The following SLC1A4 variants were observed in gnomAD, a reference collection of about 807,000 sequenced individuals.
The protein encoded by SLC1A4 is solute carrier family 1 member 4, also known as neutral amino acid transporter A.
Under a neutral mutation model 37.7 loss-of-function variants are expected in SLC1A4, and 19 were observed. The observed-to-expected ratio is 0.50, with a 90% CI of 0.35 to 0.74. The LOEUF is 0.74. Ranked by LOEUF, SLC1A4 falls within the 30% of genes least tolerant of loss-of-function variation. The pLI, the probability that SLC1A4 is intolerant of heterozygous loss-of-function variation, is 0.01. For synonymous variants in SLC1A4, 299 were observed against 309.8 expected, an observed-to-expected ratio of 0.97 and a Z score of 0.37; for missense variants, 570 against 712.9, an observed-to-expected ratio of 0.80 and a Z score of 2.28.
At chr2:65,003,699 C>T (rs1427408595) in intron 2 of SLC1A4, among the ~76,000 whole-genome samples, 1 of 152,186 alleles carries the variant, frequency 6.6e-6, no homozygotes, top group Admixed American at 6.5e-5. Flanking sequence ...GCCCAAAGAA[C>T]ATAAGGAAAT....
chr2:65,006,871 T>A (rs374759140), intron 3 of SLC1A4, among the ~76,000 whole-genome samples: 15 of 152,258 alleles, frequency 9.9e-5, no homozygotes, highest in African/African-American at 3.6e-4. Flanking sequence ...GCCAAGGAGT[T>A]TAAGATTACT....
rs1672987592 is a variant in SLC1A4, at chr2:64,989,977, C to G, written c.334C>G (p.Arg112Gly). 1 of 1,583,804 alleles carries G rather than the reference C, an allele frequency of 6.3e-7. No homozygotes were observed. The highest frequency in any genetic ancestry group is 8.6e-7 in the Non-Finnish European group (1 of 1,164,824). ...CTCGCTCGATGCCAGCTGCCTCGGGCGTCTGGGCGGCATCGCTGTCGCCTA... is the reference window on the plus strand; with the variant it reads ...CTCGCTCGATGCCAGCTGCCTCGGGGGTCTGGGCGGCATCGCTGTCGCCTA... ...AASLDASCLG[R>G]LGGIAVAYFG... Residue 112 changes from arginine to glycine, a missense_variant, in exon 1 of 8, where the codon CGT becomes GGT. Arg to Gly is a moderately radical substitution (Grantham distance 125). Coordinates refer to ENST00000234256, the MANE Select transcript of SLC1A4 (RefSeq NM_003038.5).
intron 2 of SLC1A4, 48 bp downstream of exon 2, chr2:65,001,538 T>C (rs764531903): frequency 3.9e-6 from 6 of 1,538,894 alleles, no homozygotes; most frequent in Non-Finnish European, 5.4e-6. Context: ...ATGGAAGAAA[T>C]GTACCAATTA....
At chr2:65,000,525 G>GT (rs1673417629) in intron 1 of SLC1A4, 2 of 152,200 alleles carry the variant, frequency 1.3e-5, no homozygotes, top group African/African-American at 4.8e-5. Context: ...TATAAATGCA[G>GT]ACTGTTACTT....
chr2:64,988,539 GC>G (rs1672893527), upstream of SLC1A4: 1 of 152,338 alleles, frequency 6.6e-6, no homozygotes, highest in African/African-American at 2.4e-5. Flanking sequence ...CAGGACACAA[GC>G]CCAGGAGCGC....
At chr2:64,988,678 C>T (rs1672898893), upstream of SLC1A4, 1 of 152,362 alleles carries the variant, frequency 6.6e-6, no homozygotes, top group Admixed American at 6.5e-5. Context: ...ATTCATCCAT[C>T]CTCCGGTCCG....
At chr2:65,016,709 C>T in intron 5 of SLC1A4, 36 bp downstream of exon 5, 1 of 1,391,322 alleles carries the variant, frequency 7.2e-7, no homozygotes, top group Non-Finnish European at 1.0e-6. Context: ...TGCTCTGAGC[C>T]ATGTTAACAT....
In SLC1A4 at chr2:65,021,097, GCCCCGT is replaced by G; in HGVS notation, c.1551_1556del (p.Pro518_Val519del). 6.2e-7 allele frequency: 1 copy of G among 1,614,200 alleles called. No homozygotes were observed. Among genetic ancestry groups the G allele is most frequent in the Non-Finnish European group, 8.5e-7 (1 of 1,180,034 alleles). Reference sequence around the variant, plus strand: ...CTGGTGACACACCAGAACCCCGCTGGCCCCGTGGCCAGTGCCCCAGAACTGGAATCC... The same window carrying G: ...CTGGTGACACACCAGAACCCCGCTGGGGCCAGTGCCCCAGAACTGGAATCC... On this transcript the variant is annotated inframe_deletion, in exon 8 of 8. Transcript: ENST00000234256.
At position 64,993,569 on chromosome 2, in the gene SLC1A4, C is replaced by A. The variant is rs143337956; in HGVS notation, c.527+3399C>A. ...AGCCCGGAGTTCTGTGCCTGGGAAT[C>A]CAGAACAGTATAGGACTTTCAGAAC... On this transcript the variant is annotated intron_variant, in intron 1 of 7. Coordinates refer to ENST00000234256, the MANE Select transcript of SLC1A4 (RefSeq NM_003038.5). Among the ~76,000 whole-genome samples the A allele has an allele frequency of 2.0e-5, 3 of 152,212 alleles. No homozygotes were observed. The East Asian group carries it at 5.8e-4, about 29-fold the overall frequency.
chr2:65,017,851 G>A (rs542013434), intron 5 of SLC1A4, among the ~76,000 whole-genome samples: 1 of 152,186 alleles, frequency 6.6e-6, no homozygotes, highest in South Asian at 2.1e-4. Context: ...TGACAGAATA[G>A]GTAAATGAAG....
rs146611192 is a variant in SLC1A4, at chr2:65,012,385, A to G, written c.800+1622A>G. ...ATTACAGGCATGAGCCACCGCGCCC[A>G]GCCTACTTAATTGTTAAGAACTAGT... is the stretch of plus-strand genomic sequence containing the variant. On this transcript the variant is annotated intron_variant, in intron 4 of 7. Coordinates refer to ENST00000234256, the MANE Select transcript of SLC1A4 (RefSeq NM_003038.5). 4.1e-3 allele frequency among the ~76,000 whole-genome samples: 626 copies of G among 152,244 alleles called. 1 individual carries two copies. The highest frequency in any genetic ancestry group is 0.013 in the African/African-American group (555 of 41,572).
intron 4 of SLC1A4, among the ~76,000 whole-genome samples, chr2:65,012,482 T>G (rs1673961062): frequency 6.6e-6 from 1 of 152,212 alleles, no homozygotes; most frequent in Admixed American, 6.5e-5. Flanking sequence ...CTCTCTCAGG[T>G]AGTGCTGGAT....
Position 65,010,737 on chromosome 2 carries a change from G to A in SLC1A4, c.774G>A (p.Thr258=), listed in dbSNP as rs755661024. The A allele has an allele frequency of 8.1e-6, 13 of 1,613,722 alleles. No individual in the cohort carries two copies. The highest frequency in any genetic ancestry group is 2.2e-5 in the South Asian group (2 of 91,026). ...TCTTCAATTCCCTCAACGAGGCGAC[G>A]ATGGTGCTGGTGTCCTGGATTATGT... ...IRFFNSLNEA[T]MVLVSWIMWY... The change falls in exon 4 of 8, where the codon ACG becomes ACA. Residue 258 remains threonine (T), a synonymous_variant. Coordinates refer to ENST00000234256, the MANE Select transcript of SLC1A4 (RefSeq NM_003038.5).
intron 4 of SLC1A4, 60 bp downstream of exon 4, chr2:65,010,823 C>A: frequency 6.5e-7 from 1 of 1,548,538 alleles, no homozygotes; most frequent in Non-Finnish European, 8.8e-7. Flanking sequence ...AGAAAAGAGT[C>A]CACCTTGCTG....
chr2:65,015,184 T>C (rs1290123061), intron 4 of SLC1A4, among the ~76,000 whole-genome samples: 1 of 152,100 alleles, frequency 6.6e-6, no homozygotes, highest in South Asian at 2.1e-4. Context: ...GAGGGGAAAG[T>C]AGGCTGTTAT....
chr2:65,009,624 T>C (rs777465163), intron 3 of SLC1A4, among the ~76,000 whole-genome samples: 2 of 152,252 alleles, frequency 1.3e-5, no homozygotes, highest in Non-Finnish European at 2.9e-5. Context: ...GGCCCAGCCT[T>C]TGCGCTCAAG....
Position 65,010,718 on chromosome 2 carries a change from A to G in SLC1A4, c.755A>G (p.Asn252Ser), listed in dbSNP as rs748440919. Residue 252 changes from asparagine (N) to serine (S), a missense_variant, in exon 4 of 8, where the codon AAT becomes AGT. Physicochemically the swap from Asn to Ser is conservative, Grantham distance 46. Transcript: ENST00000234256. ...SEGEDLIRFF[N>S]SLNEATMVLV... Reference sequence around the variant, plus strand: ...GGAGAAGACCTCATCCGTTTCTTCAATTCCCTCAACGAGGCGACGATGGTG... The same window carrying G: ...GGAGAAGACCTCATCCGTTTCTTCAGTTCCCTCAACGAGGCGACGATGGTG... 12 of 1,613,980 alleles carry G rather than the reference A, an allele frequency of 7.4e-6. No individual in the cohort carries two copies. Among genetic ancestry groups the G allele is most frequent in the African/African-American group, 1.3e-5 (1 of 74,920 alleles).
intron 5 of SLC1A4, 141 bp from the exon 6 acceptor site, chr2:65,017,928 TTC>T (rs1389835170): frequency 7.6e-6 from 5 of 655,170 alleles, no homozygotes; most frequent in Non-Finnish European, 1.0e-5. Flanking sequence ...TTTAAAGTGA[TTC>T]TGTTTTTTCC....
intron 4 of SLC1A4, among the ~76,000 whole-genome samples, chr2:65,016,001 C>T (rs1035346491): frequency 3.3e-5 from 5 of 152,204 alleles, no homozygotes; most frequent in African/African-American, 4.8e-5. Context: ...AGCTTTGGCT[C>T]AATTTTCTAT....
Sources: allele counts gnomAD v4.1 joint callset (sites outside exome capture counted in the v4.1 genomes callset), GRCh38; gene constraint gnomAD v4.1.1; transcripts MANE v1.5; gene names NCBI Gene and HGNC (gene_info 2026-07-23, HGNC 2026-07-21).